ZNF385D: variants seen among roughly 807,000 people sequenced by gnomAD.
ZNF385D encodes zinc finger protein 659.
In ZNF385D, 15 loss-of-function variants were observed where a neutral mutation model predicts 35.8. That is an observed-to-expected ratio of 0.42 (90% CI 0.28 to 0.64). ZNF385D has a LOEUF of 0.64. Ranked by LOEUF, ZNF385D falls within the 30% of genes least tolerant of loss-of-function variation. ZNF385D has a pLI of 0.23. For missense variants in ZNF385D, 474 were observed against 494.6 expected (o/e 0.96, Z 0.39); for synonymous variants, 212 against 186.8 (o/e 1.13, Z -1.10).
At chr3:21,899,429 G>C (rs536929773) in intron 3 of ZNF385D, among the ~76,000 whole-genome samples, 8 of 152,164 alleles carry the variant, frequency 5.3e-5, no homozygotes, top group Admixed American at 3.9e-4. Context: ...TATCTAAAGG[G>C]CTTGTTAAGC....
At chr3:21,556,545 T>G (rs1253535043) in intron 3 of ZNF385D, among the ~76,000 whole-genome samples, 1 of 17,420 alleles carries the variant, frequency 5.7e-5, no homozygotes, top group Non-Finnish European at 9.1e-5. Flanking sequence ...ATGTGTGATA[T>G]TATTTCTGAG....
chr3:21,854,296 C>T (rs1038575255), intron 3 of ZNF385D, among the ~76,000 whole-genome samples: 4 of 151,890 alleles, frequency 2.6e-5, no homozygotes, highest in Admixed American at 6.6e-5. Flanking sequence ...TTTCAATGCC[C>T]ACCTCCACTT....
chr3:21,908,096 ATATC>A (rs1185981490), intron 3 of ZNF385D, among the ~76,000 whole-genome samples: 2 of 151,096 alleles, frequency 1.3e-5, no homozygotes, highest in Admixed American at 6.6e-5. Flanking sequence ...TTTTCTCTCT[ATATC>A]TATATATCTT....
At chr3:22,196,003 T>C (rs1289934677) in intron 2 of ZNF385D, among the ~76,000 whole-genome samples, 1 of 151,916 alleles carries the variant, frequency 6.6e-6, no homozygotes, top group Non-Finnish European at 1.5e-5. Flanking sequence ...AGGAGAACAA[T>C]ACACATTGGG....
chr3:22,013,395 A>G (rs900119911), intron 3 of ZNF385D, among the ~76,000 whole-genome samples: 20 of 152,206 alleles, frequency 1.3e-4, no homozygotes, highest in Non-Finnish European at 2.9e-5. Context: ...AAAGCCAACC[A>G]TATTATGGCA....
At chr3:22,208,205 C>A (rs1308346327) in intron 2 of ZNF385D, among the ~76,000 whole-genome samples, 2 of 151,706 alleles carry the variant, frequency 1.3e-5, no homozygotes, top group African/African-American at 4.8e-5. Flanking sequence ...CATCAAGACT[C>A]AAATGGAGAA....
chr3:22,026,090 G>C (rs1262939468), intron 3 of ZNF385D, among the ~76,000 whole-genome samples: 2 of 152,088 alleles, frequency 1.3e-5, no homozygotes, highest in Non-Finnish European at 2.9e-5. Flanking sequence ...TGTTGCTAGA[G>C]GTTGACATTG....
chr3:21,888,144 G>A (rs1698647682), intron 3 of ZNF385D, among the ~76,000 whole-genome samples: 2 of 151,410 alleles, frequency 1.3e-5, no homozygotes, highest in South Asian at 4.2e-4. Flanking sequence ...TTCCTCAATT[G>A]CTTGGTTGCA....
At chr3:21,895,634 C>A (rs531628722) in intron 3 of ZNF385D, among the ~76,000 whole-genome samples, 3 of 151,860 alleles carry the variant, frequency 2.0e-5, no homozygotes, top group Admixed American at 2.0e-4. Flanking sequence ...AGCCACCATG[C>A]CTGGCCCACT....
chr3:22,287,631 T>A (rs1702093129), intron 2 of ZNF385D, among the ~76,000 whole-genome samples: 1 of 151,990 alleles, frequency 6.6e-6, no homozygotes, highest in Non-Finnish European at 1.5e-5. Flanking sequence ...ACACAAACTC[T>A]ACACTTTTTC....
At chr3:22,163,631 C>G (rs1056195689) in intron 3 of ZNF385D, among the ~76,000 whole-genome samples, 2 of 152,096 alleles carry the variant, frequency 1.3e-5, no homozygotes, top group Non-Finnish European at 2.9e-5. Context: ...GTTAGGCAAT[C>G]CTTAAATGAC....
chr3:21,793,758 T>C (rs2125667973), intron 3 of ZNF385D, among the ~76,000 whole-genome samples: 1 of 152,288 alleles, frequency 6.6e-6, no homozygotes, highest in South Asian at 2.1e-4. Flanking sequence ...GAAAAGCACA[T>C]TAAAGAAGCA....
intron 2 of ZNF385D, among the ~76,000 whole-genome samples, chr3:21,648,082 T>C (rs1261731365): frequency 2.6e-5 from 4 of 152,144 alleles, no homozygotes; most frequent in Non-Finnish European, 2.9e-5. Context: ...TGGGCTAATA[T>C]GGTTTGGCTG....
intron 2 of ZNF385D, among the ~76,000 whole-genome samples, chr3:22,344,872 T>C (rs989647031): frequency 3.9e-5 from 6 of 152,210 alleles, no homozygotes; most frequent in Non-Finnish European, 2.9e-5. Flanking sequence ...CTAAACTATT[T>C]AAACTTCAAT....
chr3:21,806,334 A>T (rs538861508), intron 3 of ZNF385D, among the ~76,000 whole-genome samples: 1 of 152,032 alleles, frequency 6.6e-6, no homozygotes, highest in East Asian at 1.9e-4. Flanking sequence ...TCTCCCGAGC[A>T]GCTGGGACTA....
At chr3:21,853,626 G>A (rs1575780356) in intron 3 of ZNF385D, among the ~76,000 whole-genome samples, 1 of 151,198 alleles carries the variant, frequency 6.6e-6, no homozygotes, top group Non-Finnish European at 1.5e-5. Context: ...AAAAAAATAT[G>A]GAGGATAAAT....
At chr3:21,628,529 GA>G (rs905410487) in intron 2 of ZNF385D, among the ~76,000 whole-genome samples, 95 of 151,848 alleles carry the variant, frequency 6.3e-4, no homozygotes, top group African/African-American at 2.2e-3. Flanking sequence ...TATAAGGTAA[GA>G]AAAAAAAGGT....
chr3:22,070,256 G>A (rs1329309323), intron 3 of ZNF385D, among the ~76,000 whole-genome samples: 6 of 151,948 alleles, frequency 3.9e-5, no homozygotes, highest in Admixed American at 2.0e-4. Flanking sequence ...AAAGAAATAG[G>A]TCCACTTATT....
intron 3 of ZNF385D, among the ~76,000 whole-genome samples, chr3:21,540,842 A>C (rs2062156529): frequency 6.6e-6 from 1 of 152,176 alleles, no homozygotes; most frequent in Non-Finnish European, 1.5e-5. Context: ...CTTTCATGGC[A>C]TATCTTGCCT....
Sources: gnomAD v4.1 joint callset for allele counts (sites outside exome capture counted in the v4.1 genomes callset) on GRCh38, gnomAD v4.1.1 for gene constraint, MANE v1.5 for transcripts, NCBI Gene and HGNC (gene_info 2026-07-23, HGNC 2026-07-21) for gene names.